GAP43: variants seen among roughly 807,000 people sequenced by gnomAD.
GAP43 encodes the protein neuromodulin.
A neutral mutation model predicts 18.6 loss-of-function variants in GAP43; 6 were observed. The observed-to-expected ratio is 0.32, with a 90% CI of 0.18 to 0.64. GAP43 has a LOEUF of 0.64. Among genes scored for constraint, GAP43 ranks in the 30% least tolerant of loss-of-function variants. The pLI, the probability that GAP43 is intolerant of heterozygous loss-of-function variation, is 0.78. For missense variants in GAP43, 292 were observed against 295.5 expected (o/e 0.99, Z 0.09); for synonymous variants, 115 against 111.4 (o/e 1.03, Z -0.20).
chr3:115,697,986 T>C (rs62269628), intron 2 of GAP43, among the ~76,000 whole-genome samples: 669 of 4,898 alleles, frequency 0.14, 6 homozygotes, highest in East Asian at 0.34. Context: ...TACATGTGCG[T>C]GTGTGTGTGT....
intron 2 of GAP43, among the ~76,000 whole-genome samples, chr3:115,698,287 A>ATATTATATATAAAATATATATAATAT (rs1709247656): frequency 2.6e-5 from 1 of 37,858 alleles, no homozygotes; most frequent in South Asian, 8.3e-4. Context: ...ATATAAATAT[A>ATATTATATATAAAATATATATAATAT]ATATATATAT....
At chr3:115,631,227 G>A (rs1220470312) in intron 1 of GAP43, among the ~76,000 whole-genome samples, 1 of 152,134 alleles carries the variant, frequency 6.6e-6, no homozygotes, top group African/African-American at 2.4e-5. Flanking sequence ...TTTGTTTAAT[G>A]TCCTGTTTCA....
At chr3:115,706,604 G>A (rs1709366606) in intron 2 of GAP43, among the ~76,000 whole-genome samples, 1 of 152,310 alleles carries the variant, frequency 6.6e-6, no homozygotes, top group Admixed American at 6.5e-5. Context: ...CTGCTTAGTA[G>A]CCTTGATTCT....
At chr3:115,707,223 A>C (rs879821397) in intron 2 of GAP43, among the ~76,000 whole-genome samples, 4 of 152,210 alleles carry the variant, frequency 2.6e-5, no homozygotes, top group Admixed American at 6.5e-5. Context: ...TATTATGAAA[A>C]ATTAGGCAGT....
rs549468824 is a variant in GAP43 at position 115,671,188 on chromosome 3, T to C, written c.31-4825T>C. 3.3e-5 allele frequency among the ~76,000 whole-genome samples: 5 copies of C among 152,306 alleles called. No homozygotes were observed. The East Asian group carries it at 9.6e-4, about 29-fold the overall frequency. On this transcript the variant is annotated intron_variant, in intron 1 of 2. Coordinates refer to ENST00000305124, the MANE Select transcript of GAP43 (RefSeq NM_002045.4). ...TTGCCTAGAGCTCTTTTGTAACATA[T>C]TGAATGCAAATGTTTGGACATTTTA...
chr3:115,676,767 A>T (rs535868802), intron 2 of GAP43, among the ~76,000 whole-genome samples, 157 bp downstream of exon 2: 1 of 152,284 alleles, frequency 6.6e-6, no homozygotes, highest in Admixed American at 6.5e-5. Flanking sequence ...AAGTGGCAGG[A>T]CTAAGAGCTA....
chr3:115,717,801 ATAT>A (rs1197997781), intron 2 of GAP43, among the ~76,000 whole-genome samples: 4 of 152,188 alleles, frequency 2.6e-5, no homozygotes, highest in African/African-American at 7.2e-5. Context: ...GAAAATGAAT[ATAT>A]ATTGAGGCTC....
At chr3:115,647,570 G>A (rs1175091791) in intron 1 of GAP43, among the ~76,000 whole-genome samples, 4 of 151,912 alleles carry the variant, frequency 2.6e-5, no homozygotes, top group Non-Finnish European at 4.4e-5. Context: ...TGCCCAGTAT[G>A]AAGGGAGAGT....
chr3:115,640,415 G>A (rs1018651046), intron 1 of GAP43, among the ~76,000 whole-genome samples: 20 of 152,160 alleles, frequency 1.3e-4, no homozygotes, highest in Middle Eastern at 3.4e-3. Context: ...AAACCACTTA[G>A]AGCCTTTTCT....
chr3:115,715,939 G>A (rs1175206766), intron 2 of GAP43, among the ~76,000 whole-genome samples: 5 of 152,146 alleles, frequency 3.3e-5, no homozygotes, highest in Non-Finnish European at 7.3e-5. Flanking sequence ...GTGGCCTTAC[G>A]TAAACCATTC....
At chr3:115,698,329 A>ATTATATATAAAATATATATAAT (rs1709252020) in intron 2 of GAP43, among the ~76,000 whole-genome samples, 3 of 90,918 alleles carry the variant, frequency 3.3e-5, no homozygotes, top group African/African-American at 4.0e-5. Flanking sequence ...ATATATATAT[A>ATTATATATAAAATATATATAAT]AAACCAGTTC....
In GAP43 at chr3:115,623,639, A is replaced by AGAGAGAAGGAAAG. The variant is rs1708142672; in HGVS notation, c.-41_-29dup. On this transcript the variant is annotated 5_prime_UTR_variant, in exon 1 of 3. Coordinates refer to ENST00000305124, the MANE Select transcript of GAP43 (RefSeq NM_002045.4). Reference sequence around the variant, plus strand: ...GGTGGAGAGGGGGGGAATAAGAAAGAGAGAGAAGGAAAGGAGAGAAGGCAG... The same window carrying AGAGAGAAGGAAAG: ...GGTGGAGAGGGGGGGAATAAGAAAGAGAGAGAAGGAAAGGAGAGAAGGAAAGGAGAGAAGGCAG... The AGAGAGAAGGAAAG allele has an allele frequency of 6.2e-7, 1 of 1,610,062 alleles. No individual in the cohort carries two copies. Among genetic ancestry groups the AGAGAGAAGGAAAG allele is most frequent in the Non-Finnish European group, 8.5e-7 (1 of 1,176,630 alleles).
intron 1 of GAP43, among the ~76,000 whole-genome samples, chr3:115,647,195 C>G (rs1180156548): frequency 6.6e-6 from 1 of 152,006 alleles, no homozygotes; most frequent in Non-Finnish European, 1.5e-5. Context: ...CTTGACCCTT[C>G]TGCCATGTGA....
At chr3:115,703,672 A>ATTTTAGATGT in intron 2 of GAP43, among the ~76,000 whole-genome samples, 1 of 152,098 alleles carries the variant, frequency 6.6e-6, no homozygotes, top group South Asian at 2.1e-4. Flanking sequence ...TATGTCTTGG[A>ATTTTAGATGT]AAATGGCTTT....
At chr3:115,624,212 A>C (rs1427075798) in intron 1 of GAP43, among the ~76,000 whole-genome samples, 1 of 152,158 alleles carries the variant, frequency 6.6e-6, no homozygotes, top group Non-Finnish European at 1.5e-5. Context: ...TGAGCTTCGA[A>C]GGGGCGCAGG....
intron 2 of GAP43, among the ~76,000 whole-genome samples, chr3:115,712,323 C>T (rs1042011515): frequency 1.3e-5 from 2 of 152,146 alleles, no homozygotes; most frequent in African/African-American, 4.8e-5. Context: ...GTTTCCTCAT[C>T]AGAGTCAGAC....
At chr3:115,675,329 C>G (rs530190073) in intron 1 of GAP43, among the ~76,000 whole-genome samples, 25 of 152,288 alleles carry the variant, frequency 1.6e-4, no homozygotes, top group Admixed American at 1.4e-3. Context: ...CTTCACTTCT[C>G]AAGGTGCTTG....
chr3:115,698,281 A>ATATAT (rs1343739695), intron 2 of GAP43, among the ~76,000 whole-genome samples: 2 of 2,032 alleles, frequency 9.8e-4, no homozygotes, highest in South Asian at 0.024. Context: ...TATTATATAT[A>ATATAT]AATATAATAT....
At position 115,720,812 on chromosome 3, in the gene GAP43, A is replaced by G; in HGVS notation, c.647A>G (p.Lys216Arg). The G allele has an allele frequency of 2.5e-6, 4 of 1,613,050 alleles. No individual in the cohort carries two copies. Among genetic ancestry groups the G allele is most frequent in the Non-Finnish European group, 3.4e-6 (4 of 1,179,280 alleles). Reference sequence around the variant, plus strand: ...TTCTCAGAAGCTGTAGATGAAACCAAACCTAAGGAAAGTGCCCGGCAGGAC... The same window carrying G: ...TTCTCAGAAGCTGTAGATGAAACCAGACCTAAGGAAAGTGCCCGGCAGGAC... The part of the protein sequence containing the change: ...EENIEAVDET[K>R]PKESARQDEG... Residue 216 changes from lysine (K) to arginine (R), a missense_variant, in exon 3 of 3, where the codon AAA (lysine) becomes AGA (arginine). Transcript: ENST00000305124.
Sources: gnomAD v4.1 joint callset for allele counts (sites outside exome capture counted in the v4.1 genomes callset) on GRCh38, gnomAD v4.1.1 for gene constraint, MANE v1.5 for transcripts, NCBI Gene and HGNC (gene_info 2026-07-23, HGNC 2026-07-21) for gene names.